The following TYW1B variants were observed in gnomAD, a reference collection of about 807,000 sequenced individuals.
TYW1B encodes the protein tRNA-yW synthesizing protein 1 homolog B, also known as S-adenosyl-L-methionine-dependent tRNA 4-demethylwyosine synthase TYW1B.
TYW1B carries 73 observed loss-of-function variants against 86.9 expected under a neutral mutation model. The ratio of observed to expected loss-of-function variants is 0.84; its 90% confidence interval spans 0.70 to 1.02. The LOEUF is 1.02. Ranked by LOEUF, TYW1B falls within the 50% of genes least tolerant of loss-of-function variation. The probability of loss-of-function intolerance (pLI) is 0.00; values close to 1 mark genes in which losing one functional copy is unlikely to be tolerated. For missense variants in TYW1B, 637 were observed against 827.4 expected (o/e 0.77, Z 2.82); for synonymous variants, 248 against 292.8 (o/e 0.85, Z 1.56).
chr7:72,622,569 G>GT (rs1429860263), intron 12 of TYW1B, among the ~76,000 whole-genome samples: 1 of 152,086 alleles, frequency 6.6e-6, no homozygotes, highest in Non-Finnish European at 1.5e-5. Context: ...TGAGACTCTA[G>GT]TAAGTGCAGA....
At chr7:72,717,320 C>T (rs1186549926) in intron 9 of TYW1B, among the ~76,000 whole-genome samples, 2 of 150,650 alleles carry the variant, frequency 1.3e-5, no homozygotes, top group East Asian at 3.9e-4. Flanking sequence ...AAAAAAAAAT[C>T]ATGCAGTTTA....
At chr7:72,586,289 G>A (rs1253165880) in intron 13 of TYW1B, among the ~76,000 whole-genome samples, 3 of 152,192 alleles carry the variant, frequency 2.0e-5, no homozygotes, top group African/African-American at 4.8e-5. Context: ...ATGCACCTGA[G>A]TCTTGGTGTC....
chr7:72,752,152 ACAT>A (rs1554465182), intron 7 of TYW1B, among the ~76,000 whole-genome samples: 1 of 152,072 alleles, frequency 6.6e-6, no homozygotes, highest in Non-Finnish European at 1.5e-5. Context: ...CACCCAGCCA[ACAT>A]CATAACTCTT....
At chr7:72,647,597 G>C (rs1812959680) in intron 11 of TYW1B, among the ~76,000 whole-genome samples, 1 of 152,240 alleles carries the variant, frequency 6.6e-6, no homozygotes, top group South Asian at 2.1e-4. Flanking sequence ...GGTCAATCTA[G>C]ATGTGACTCT....
At chr7:72,645,711 A>C (rs1286876826) in intron 11 of TYW1B, among the ~76,000 whole-genome samples, 2 of 152,112 alleles carry the variant, frequency 1.3e-5, no homozygotes, top group Non-Finnish European at 2.9e-5. Flanking sequence ...AACGTTCAAA[A>C]CCAGGCAAAT....
At chr7:72,786,824 C>T (rs372559676) in intron 6 of TYW1B, among the ~76,000 whole-genome samples, 1 of 152,086 alleles carries the variant, frequency 6.6e-6, no homozygotes, top group Non-Finnish European at 1.5e-5. Context: ...ATCCACCTGC[C>T]TAGGCTTCCC....
chr7:72,692,205 CAAAAA>C (rs1168197742), intron 11 of TYW1B, among the ~76,000 whole-genome samples: 2 of 62,810 alleles, frequency 3.2e-5, no homozygotes, highest in Non-Finnish European at 2.9e-5. Context: ...GACTCCATCT[CAAAAA>C]AAAAAAAAAA....
chr7:72,664,795 A>G (rs555435167), intron 11 of TYW1B, among the ~76,000 whole-genome samples: 4 of 152,166 alleles, frequency 2.6e-5, no homozygotes, highest in Non-Finnish European at 5.9e-5. Context: ...ACTTGGTCAC[A>G]GCAATATATG....
chr7:72,621,995 T>G (rs1487209652), intron 12 of TYW1B, among the ~76,000 whole-genome samples: 6 of 152,360 alleles, frequency 3.9e-5, no homozygotes, highest in African/African-American at 1.4e-4. Flanking sequence ...GTGCCAACAG[T>G]AAGTAGTTTT....
At chr7:72,663,414 G>A (rs1813382156) in intron 11 of TYW1B, among the ~76,000 whole-genome samples, 1 of 151,918 alleles carries the variant, frequency 6.6e-6, no homozygotes, top group Non-Finnish European at 1.5e-5. Context: ...CCCTCCCCCA[G>A]TTCTCTGCTA....
chr7:72,807,447 C>A (rs1788520462), intron 4 of TYW1B, 91 bp from the exon 5 acceptor site: 54 of 1,505,640 alleles, frequency 3.6e-5, no homozygotes, highest in Non-Finnish European at 4.7e-5. Flanking sequence ...CCTTCTGGGG[C>A]CCCTGGTCAT....
At chr7:72,817,063 T>C (rs1438824062) in intron 2 of TYW1B, among the ~76,000 whole-genome samples, 1 of 152,066 alleles carries the variant, frequency 6.6e-6, no homozygotes, top group Non-Finnish European at 1.5e-5. Context: ...GGCAGTCTTG[T>C]GGGCTAATGA....
At chr7:72,810,902 C>T (rs1446731866) in intron 3 of TYW1B, among the ~76,000 whole-genome samples, 10 of 152,040 alleles carry the variant, frequency 6.6e-5, no homozygotes, top group South Asian at 2.1e-4. Context: ...TCATCATATA[C>T]GCCATTCCAT....
intron 2 of TYW1B, among the ~76,000 whole-genome samples, chr7:72,823,805 A>T (rs11764170): frequency 6.6e-6 from 1 of 152,134 alleles, no homozygotes; most frequent in African/African-American, 2.4e-5. Context: ...AATAACTTTT[A>T]TGTAATGTTG....
At chr7:72,756,422 A>G (rs1264968699) in intron 7 of TYW1B, among the ~76,000 whole-genome samples, 1 of 150,594 alleles carries the variant, frequency 6.6e-6, no homozygotes, top group East Asian at 2.0e-4. Context: ...TTTAGTAGAG[A>G]CGGGATTTCA....
chr7:72,659,136 T>A (rs1293500291), intron 11 of TYW1B, among the ~76,000 whole-genome samples: 2 of 152,168 alleles, frequency 1.3e-5, no homozygotes, highest in Admixed American at 1.3e-4. Flanking sequence ...TGGGGCTAAA[T>A]GTGACAAGAA....
intron 7 of TYW1B, among the ~76,000 whole-genome samples, chr7:72,745,922 T>C (rs1390901156): frequency 1.3e-5 from 2 of 149,988 alleles, no homozygotes; most frequent in Admixed American, 6.7e-5. Flanking sequence ...TGGAGTGCAG[T>C]AGTGTGATCT....
chr7:72,807,570 T>G (rs1260696087), intron 4 of TYW1B, among the ~76,000 whole-genome samples: 2 of 152,114 alleles, frequency 1.3e-5, no homozygotes, highest in African/African-American at 4.8e-5. Context: ...TGCCTTAGAT[T>G]TATTGTTTTA....
intron 13 of TYW1B, among the ~76,000 whole-genome samples, chr7:72,577,505 C>T (rs1379200091): frequency 2.0e-5 from 3 of 152,186 alleles, no homozygotes; most frequent in Admixed American, 6.6e-5. Flanking sequence ...GAAGCAATCA[C>T]TGTCATTCCC....
Sources: gnomAD v4.1 joint callset for allele counts (sites outside exome capture counted in the v4.1 genomes callset) on GRCh38, gnomAD v4.1.1 for gene constraint, MANE v1.5 for transcripts, NCBI Gene and HGNC (gene_info 2026-07-23, HGNC 2026-07-21) for gene names.